The following SYT14 variants were observed in gnomAD, a reference collection of about 807,000 sequenced individuals.
The protein encoded by SYT14 is synaptotagmin-14.
SYT14 carries 32 observed loss-of-function variants against 74.2 expected under a neutral mutation model. The ratio of observed to expected loss-of-function variants is 0.43; its 90% CI spans 0.33 to 0.58. SYT14 has a LOEUF of 0.58. Ranked by LOEUF, SYT14 falls within the 20% of genes least tolerant of loss-of-function variation. SYT14 has a pLI of 0.05. For synonymous variants in SYT14, 298 were observed against 337.7 expected (o/e 0.88, Z 1.29); for missense variants, 791 against 981.8 (o/e 0.81, Z 2.60).
chr1:210,123,702 C>T (rs1007901577), intron 7 of SYT14, among the ~76,000 whole-genome samples: 3 of 152,176 alleles, frequency 2.0e-5, no homozygotes, highest in Admixed American at 1.3e-4. Context: ...TGCATTTAAA[C>T]GTTTAGAGTT....
At chr1:210,059,451 T>G (rs199641595) in intron 5 of SYT14, among the ~76,000 whole-genome samples, 21,416 of 70,050 alleles carry the variant, frequency 0.31, 3,688 homozygotes, top group Non-Finnish European at 0.35. Context: ...TATATATATA[T>G]AGAGAGAGAG....
At chr1:210,133,644 C>G (rs1030986840) in intron 7 of SYT14, among the ~76,000 whole-genome samples, 1 of 152,094 alleles carries the variant, frequency 6.6e-6, no homozygotes, top group Admixed American at 6.5e-5. Context: ...AGTGAACTGA[C>G]AGAAAGATCA....
At chr1:210,137,824 G>A (rs1371695953) in intron 7 of SYT14, among the ~76,000 whole-genome samples, 1 of 151,944 alleles carries the variant, frequency 6.6e-6, no homozygotes, top group Admixed American at 6.6e-5. Context: ...GGAATTACAG[G>A]CATGCGCCAC....
chr1:209,986,019 A>G (rs1044036823), intron 2 of SYT14, among the ~76,000 whole-genome samples: 5 of 152,316 alleles, frequency 3.3e-5, no homozygotes, highest in Admixed American at 2.6e-4. Context: ...AAGGGCTGCC[A>G]TGAAGGTCTC....
At chr1:210,104,249 G>T (rs1246036247) in intron 7 of SYT14, among the ~76,000 whole-genome samples, 1 of 152,236 alleles carries the variant, frequency 6.6e-6, no homozygotes, top group African/African-American at 2.4e-5. Context: ...GAGAACAGCA[G>T]CAGGTTTTCC....
intron 7 of SYT14, among the ~76,000 whole-genome samples, chr1:210,130,878 A>G (rs1392431919): frequency 6.6e-6 from 1 of 152,230 alleles, no homozygotes; most frequent in East Asian, 1.9e-4. Context: ...CTGTATTCCT[A>G]TTTTAATGAA....
At chr1:210,081,465 AC>A (rs1369737069) in intron 5 of SYT14, among the ~76,000 whole-genome samples, 1 of 152,144 alleles carries the variant, frequency 6.6e-6, no homozygotes, top group Non-Finnish European at 1.5e-5. Flanking sequence ...TTATGTTTAT[AC>A]AATACTGTAG....
At chr1:210,120,490 A>G (rs1014675610) in intron 7 of SYT14, among the ~76,000 whole-genome samples, 1 of 151,248 alleles carries the variant, frequency 6.6e-6, no homozygotes, top group Admixed American at 6.6e-5. Flanking sequence ...TATACCTTTT[A>G]TATGTTCAAA....
chr1:210,049,795 C>T (rs966318320), intron 5 of SYT14, among the ~76,000 whole-genome samples: 1 of 152,194 alleles, frequency 6.6e-6, no homozygotes, highest in Non-Finnish European at 1.5e-5. Flanking sequence ...GAAGCCACGG[C>T]CCGAGCTCTG....
chr1:210,106,482 G>A (rs2082159850), intron 7 of SYT14, among the ~76,000 whole-genome samples: 1 of 152,162 alleles, frequency 6.6e-6, no homozygotes, highest in Non-Finnish European at 1.5e-5. Flanking sequence ...TTGACTCACA[G>A]TTCCACAGGG....
chr1:210,098,665 G>A (rs1322211179), intron 6 of SYT14, among the ~76,000 whole-genome samples: 1 of 151,676 alleles, frequency 6.6e-6, no homozygotes, highest in Non-Finnish European at 1.5e-5. Flanking sequence ...AGGCGCTGAA[G>A]TATAGTCTCT....
chr1:210,156,316 A>T, intron 8 of SYT14, among the ~76,000 whole-genome samples: 1 of 152,066 alleles, frequency 6.6e-6, no homozygotes, highest in East Asian at 1.9e-4. Flanking sequence ...ATTTACTTCT[A>T]TATTTTCCTT....
intron 5 of SYT14, among the ~76,000 whole-genome samples, chr1:210,040,732 T>A (rs2080771620): frequency 6.6e-6 from 1 of 152,206 alleles, no homozygotes; most frequent in Admixed American, 6.5e-5. Flanking sequence ...TAAAGTCATT[T>A]AGTCAGGAAT....
chr1:210,158,457 A>AT (rs1009020580), intron 8 of SYT14, among the ~76,000 whole-genome samples: 16 of 152,270 alleles, frequency 1.1e-4, no homozygotes, highest in African/African-American at 3.6e-4. Flanking sequence ...AATTTACTAC[A>AT]TTTTTTTGAC....
intron 5 of SYT14, among the ~76,000 whole-genome samples, chr1:210,059,412 A>C (rs1295092233): frequency 1.4e-5 from 2 of 138,410 alleles, no homozygotes; most frequent in African/African-American, 2.6e-5. Flanking sequence ...CTGTATATGC[A>C]TGATGACAAG....
At chr1:210,000,463 T>TACAC (rs1238374511) in intron 2 of SYT14, among the ~76,000 whole-genome samples, 16 of 67,800 alleles carry the variant, frequency 2.4e-4, no homozygotes, top group African/African-American at 1.4e-3. Context: ...TTTGTCCTCA[T>TACAC]ACGCACACAC....
At chr1:210,038,949 A>G (rs2080727772) in intron 5 of SYT14, among the ~76,000 whole-genome samples, 1 of 152,044 alleles carries the variant, frequency 6.6e-6, no homozygotes, top group African/African-American at 2.4e-5. Context: ...GGATGTCTGA[A>G]TCTCTAGCAA....
intron 2 of SYT14, among the ~76,000 whole-genome samples, chr1:209,990,780 C>G (rs1043828406): frequency 6.6e-6 from 1 of 151,260 alleles, no homozygotes; most frequent in African/African-American, 2.4e-5. Flanking sequence ...TTAGTAAATA[C>G]AGAGTAATCA....
At chr1:210,040,266 G>T (rs1240173964) in intron 5 of SYT14, among the ~76,000 whole-genome samples, 1 of 152,026 alleles carries the variant, frequency 6.6e-6, no homozygotes, top group Non-Finnish European at 1.5e-5. Context: ...ACTAACACAG[G>T]AACAGAAAAC....
Sources: gnomAD v4.1 joint callset for allele counts (sites outside exome capture counted in the v4.1 genomes callset) on GRCh38, gnomAD v4.1.1 for gene constraint, MANE v1.5 for transcripts, NCBI Gene and HGNC (gene_info 2026-07-23, HGNC 2026-07-21) for gene names.